The following MYO1D variants were observed in gnomAD, a reference collection of about 807,000 sequenced individuals.
MYO1D encodes myosin ID.
In MYO1D, 83 loss-of-function variants were observed where a neutral mutation model predicts 122.0. The observed-to-expected ratio is 0.68, with a 90% CI of 0.57 to 0.82. The LOEUF (loss-of-function observed/expected upper bound fraction) is 0.82, where lower values mean the gene tolerates loss of function less well. MYO1D is among the 40% of genes least tolerant of loss of function. The pLI is 0.00. For missense variants in MYO1D, 1,157 were observed against 1,269.5 expected (o/e 0.91, Z 1.35); for synonymous variants, 464 against 446.9 (o/e 1.04, Z -0.48).
chr17:32,560,754 G>C (rs2087117738), intron 21 of MYO1D, among the ~76,000 whole-genome samples: 2 of 150,502 alleles, frequency 1.3e-5, no homozygotes, highest in Non-Finnish European at 3.0e-5. Flanking sequence ...TGAGTAGCTG[G>C]GATTACAGGC....
At chr17:32,703,042 T>C (rs183830583) in intron 16 of MYO1D, among the ~76,000 whole-genome samples, 2 of 152,324 alleles carry the variant, frequency 1.3e-5, no homozygotes, top group Admixed American at 1.3e-4. Flanking sequence ...CTTAAGATAT[T>C]ACCATTTTGA....
At chr17:32,845,099 G>A (rs9914934) in intron 1 of MYO1D, among the ~76,000 whole-genome samples, 1 of 151,210 alleles carries the variant, frequency 6.6e-6, no homozygotes, top group South Asian at 2.1e-4. Flanking sequence ...GCTATTCTGG[G>A]TGGTGAGATT....
At chr17:32,785,928 A>G (rs1041664764) in intron 1 of MYO1D, among the ~76,000 whole-genome samples, 2 of 152,228 alleles carry the variant, frequency 1.3e-5, no homozygotes, top group Non-Finnish European at 2.9e-5. Context: ...CAACAAGAAT[A>G]ACAAAAACAG....
At chr17:32,607,666 G>A (rs1312339104) in intron 20 of MYO1D, among the ~76,000 whole-genome samples, 2 of 152,080 alleles carry the variant, frequency 1.3e-5, no homozygotes, top group Non-Finnish European at 2.9e-5. Flanking sequence ...AGCAGATTCT[G>A]AAATATGTAT....
At chr17:32,828,292 G>A (rs1490285211) in intron 1 of MYO1D, among the ~76,000 whole-genome samples, 2 of 152,018 alleles carry the variant, frequency 1.3e-5, no homozygotes, top group African/African-American at 4.8e-5. Flanking sequence ...CGAGTCGGGC[G>A]GATCACCAGG....
At chr17:32,522,905 C>T (rs2150868198) in intron 21 of MYO1D, among the ~76,000 whole-genome samples, 1 of 150,926 alleles carries the variant, frequency 6.6e-6, no homozygotes, top group Admixed American at 6.6e-5. Flanking sequence ...CAAGCTCCGC[C>T]TCCTGGGTTC....
intron 13 of MYO1D, 44 bp downstream of exon 13, chr17:32,745,167 C>T: frequency 9.2e-7 from 1 of 1,083,074 alleles, no homozygotes. Context: ...TTACATATGT[C>T]AATGAGCTTA....
chr17:32,660,438 T>C (rs1220667928), intron 16 of MYO1D, among the ~76,000 whole-genome samples: 1 of 152,202 alleles, frequency 6.6e-6, no homozygotes, highest in Non-Finnish European at 1.5e-5. Flanking sequence ...CCAATTCCTC[T>C]AAGCAAAACT....
At position 32,771,122 on chromosome 17, in the gene MYO1D, C is replaced by A. The variant is rs2090108549; in HGVS notation, c.714+3G>T. On this transcript the variant is annotated splice_donor_region_variant and intron_variant, in intron 6 of 21. Transcript: ENST00000318217. Reference sequence around the variant, plus strand: ...GGAGCAATCTCAAAGAGGAAATTCTCACCTTTAATTGAGCTCCCACATGAA... The same window carrying A: ...GGAGCAATCTCAAAGAGGAAATTCTAACCTTTAATTGAGCTCCCACATGAA... 1 of 1,582,638 alleles carries A rather than the reference C, an allele frequency of 6.3e-7. No individual in the cohort carries two copies. Among genetic ancestry groups the A allele is most frequent in the Non-Finnish European group, 8.7e-7 (1 of 1,152,518 alleles).
At chr17:32,554,318 C>T (rs1377702821) in intron 21 of MYO1D, among the ~76,000 whole-genome samples, 2 of 152,198 alleles carry the variant, frequency 1.3e-5, no homozygotes, top group South Asian at 2.1e-4. Flanking sequence ...GTTGGAATCA[C>T]TGCCATGGCC....
At chr17:32,791,682 TGTA>T (rs1223937142) in intron 1 of MYO1D, among the ~76,000 whole-genome samples, 3 of 152,140 alleles carry the variant, frequency 2.0e-5, no homozygotes, top group Non-Finnish European at 2.9e-5. Context: ...GGGGGTTTCT[TGTA>T]GTATCGTCTA....
chr17:32,578,972 T>C (rs1043914314), intron 21 of MYO1D, among the ~76,000 whole-genome samples: 3 of 152,256 alleles, frequency 2.0e-5, no homozygotes, highest in African/African-American at 7.2e-5. Flanking sequence ...TTTCTGGTAG[T>C]TCTTGCCACT....
intron 21 of MYO1D, among the ~76,000 whole-genome samples, chr17:32,541,378 T>C (rs1910833850): frequency 6.6e-6 from 1 of 152,200 alleles, no homozygotes; most frequent in Non-Finnish European, 1.5e-5. Context: ...ATGTCCAGTG[T>C]AGGCAAAGCT....
chr17:32,678,592 C>G (rs544856542), intron 16 of MYO1D, among the ~76,000 whole-genome samples: 6,177 of 151,308 alleles, frequency 0.041, 399 homozygotes, highest in African/African-American at 0.14. Context: ...ATGAACTCAT[C>G]ATTTTTTATG....
intron 21 of MYO1D, among the ~76,000 whole-genome samples, chr17:32,579,736 T>A (rs1271605382): frequency 6.6e-6 from 1 of 152,218 alleles, no homozygotes; most frequent in East Asian, 1.9e-4. Context: ...TCTAGAGTTG[T>A]ATATAAATGG....
At chr17:32,653,602 G>A (rs1181270396) in intron 19 of MYO1D, among the ~76,000 whole-genome samples, 2 of 73,676 alleles carry the variant, frequency 2.7e-5, no homozygotes, top group African/African-American at 5.1e-5. Context: ...GTAAAACTCC[G>A]TCTCCAAAAA....
intron 20 of MYO1D, among the ~76,000 whole-genome samples, chr17:32,637,211 C>T (rs2088112512): frequency 6.6e-6 from 1 of 152,150 alleles, no homozygotes; most frequent in South Asian, 2.1e-4. Flanking sequence ...AAAACACATA[C>T]CACAATTAAT....
At chr17:32,562,360 C>CATATCATTATTTAGAT (rs59094872) in intron 21 of MYO1D, among the ~76,000 whole-genome samples, 2 of 151,936 alleles carry the variant, frequency 1.3e-5, no homozygotes, top group Non-Finnish European at 2.9e-5. Flanking sequence ...TATTTCATTT[C>CATATCATTATTTAGAT]ATTCTTTAAT....
intron 2 of MYO1D, among the ~76,000 whole-genome samples, chr17:32,778,888 A>C (rs558010657): frequency 6.6e-6 from 1 of 152,318 alleles, no homozygotes; most frequent in Admixed American, 6.5e-5. Flanking sequence ...CTTGGTAGGG[A>C]CTCATAAGTC....
Sources: allele counts gnomAD v4.1 joint callset (sites outside exome capture counted in the v4.1 genomes callset), GRCh38; gene constraint gnomAD v4.1.1; transcripts MANE v1.5; gene names NCBI Gene and HGNC (gene_info 2026-07-23, HGNC 2026-07-21).